ARID1B: variants seen among roughly 807,000 people sequenced by gnomAD.
ARID1B encodes AT-rich interactive domain-containing protein 1B.
In ARID1B, 30 loss-of-function variants were observed where a neutral mutation model predicts 212.3. The observed-to-expected ratio is 0.14, with a 90% CI of 0.11 to 0.19. The LOEUF (loss-of-function observed/expected upper bound fraction) is 0.19. Among genes scored for constraint, ARID1B ranks in the 10% least tolerant of loss-of-function variants. ARID1B has a pLI of 1.00. For missense variants in ARID1B, 2,891 were observed against 3,204.0 expected (o/e 0.90, Z 2.36); for synonymous variants, 1,402 against 1,301.7 (o/e 1.08, Z -1.66).
intron 4 of ARID1B, among the ~76,000 whole-genome samples, chr6:157,030,915 C>T (rs545780412): frequency 5.9e-5 from 9 of 152,300 alleles, no homozygotes; most frequent in East Asian, 1.9e-4. Context: ...GGCTACCGTG[C>T]GTGTTCTTTC....
chr6:156,944,172 C>G (rs190556496), intron 4 of ARID1B, among the ~76,000 whole-genome samples: 4 of 152,166 alleles, frequency 2.6e-5, no homozygotes, highest in East Asian at 1.9e-4. Context: ...AAAAACGGGC[C>G]CTTTGCATTT....
chr6:156,899,936 G>A (rs909278131), intron 2 of ARID1B, among the ~76,000 whole-genome samples: 7 of 152,186 alleles, frequency 4.6e-5, no homozygotes, highest in Admixed American at 6.5e-5. Flanking sequence ...TATAGTATTA[G>A]ATATCAAATC....
intron 4 of ARID1B, among the ~76,000 whole-genome samples, chr6:157,051,401 A>C (rs950358213): frequency 6.6e-6 from 1 of 152,238 alleles, no homozygotes; most frequent in Non-Finnish European, 1.5e-5. Context: ...TTTAAATGCT[A>C]ACGGAAAATG....
At chr6:157,124,540 CCTT>C (rs1316670391) in intron 6 of ARID1B, among the ~76,000 whole-genome samples, 1 of 152,170 alleles carries the variant, frequency 6.6e-6, no homozygotes, top group Non-Finnish European at 1.5e-5. Context: ...AGGCAAGTGG[CCTT>C]CTAGGCACAC....
rs753092220 is a variant in ARID1B, at chr6:157,084,860, A to G, written c.2446A>G (p.Ser816Gly). ...CTCTCCTGTTGGCTCTCCTGTAGGA[A>G]GCAACCAGTCTCGATCTGGCCCAAT... ...SPSPVGSPVG[S>G]NQSRSGPISP... Residue 816 changes from serine to glycine, a missense_variant, in exon 5 of 20, where the codon AGC becomes GGC. By Grantham distance (56) the Ser-to-Gly change is moderately conservative. Around this residue, in one of 7 missense-constraint regions of ARID1B, gnomAD observed 1,643 missense variants for 1,544.0 expected, o/e 1.06. Transcript: ENST00000636930. 2 of 1,614,160 alleles carry G rather than the reference A, an allele frequency of 1.2e-6. No individual in the cohort carries two copies. The highest frequency in any genetic ancestry group is 1.7e-6 in the Non-Finnish European group (2 of 1,180,008).
At chr6:156,795,970 T>C (rs1780346118) in intron 1 of ARID1B, among the ~76,000 whole-genome samples, 2 of 152,040 alleles carry the variant, frequency 1.3e-5, no homozygotes, top group Admixed American at 1.3e-4. Flanking sequence ...TCCTGCGCGG[T>C]GGGAAAGCTC....
chr6:157,063,021 G>A (rs1478156767), intron 4 of ARID1B, among the ~76,000 whole-genome samples: 1 of 152,046 alleles, frequency 6.6e-6, no homozygotes, highest in African/African-American at 2.4e-5. Context: ...ATATTTTAAA[G>A]AAATAAGTTA....
chr6:157,031,204 A>G (rs1334210743), intron 4 of ARID1B, among the ~76,000 whole-genome samples: 1 of 152,192 alleles, frequency 6.6e-6, no homozygotes, highest in Non-Finnish European at 1.5e-5. Flanking sequence ...CCTGCAGTTT[A>G]AATTGTCATA....
At chr6:156,862,092 G>A (rs878897670) in intron 2 of ARID1B, among the ~76,000 whole-genome samples, 1 of 152,220 alleles carries the variant, frequency 6.6e-6, no homozygotes, top group African/African-American at 2.4e-5. Flanking sequence ...TTGATTTATG[G>A]TAGGTGTCTT....
rs1794229220 is a variant in ARID1B, at chr6:157,203,283, C to G, written c.5264-583C>G. On this transcript the variant is annotated intron_variant, in intron 18 of 19. Coordinates refer to ENST00000636930, the MANE Select transcript of ARID1B (RefSeq NM_001374828.1). This position sits in a 1 kb window ranked among gnomAD's most constrained non-coding sequence, Gnocchi z 4.4. ...CCCATTCTGTGGCTCCAGCCATACT[C>G]CTGAGAAATCTGAGCCATCAAAGTG... Among the ~76,000 whole-genome samples, 1 of 152,206 alleles carries G rather than the reference C, an allele frequency of 6.6e-6. No homozygotes were observed. Among genetic ancestry groups the G allele is most frequent in the Non-Finnish European group, 1.5e-5 (1 of 68,038 alleles).
chr6:156,818,768 C>T (rs1252416569), intron 1 of ARID1B, among the ~76,000 whole-genome samples: 1 of 152,132 alleles, frequency 6.6e-6, no homozygotes, highest in Non-Finnish European at 1.5e-5. Flanking sequence ...CTGCCCGCAA[C>T]TCTGCAGGAC....
intron 4 of ARID1B, among the ~76,000 whole-genome samples, chr6:157,015,548 G>A (rs745674803): frequency 1.4e-4 from 22 of 152,250 alleles, no homozygotes; most frequent in East Asian, 1.4e-3. Flanking sequence ...AGAAAAGTGC[G>A]AAGACTGTCT....
rs576688534 is a variant in ARID1B, at chr6:157,189,911, T to C, written c.4059-127T>C. Reference sequence around the variant, plus strand: ...TTTAAATGTTGATGACTGCCAGTTTTCTTCATGTCATTTATCTTGAATGGT... The same window carrying C: ...TTTAAATGTTGATGACTGCCAGTTTCCTTCATGTCATTTATCTTGAATGGT... On this transcript the variant is annotated intron_variant, in intron 14 of 19. Transcript: ENST00000636930. The C allele has an allele frequency of 2.5e-6, 4 of 1,571,260 alleles. No individual in the cohort carries two copies. In the South Asian group the frequency reaches 4.6e-5, roughly 18 times the overall value.
intron 4 of ARID1B, among the ~76,000 whole-genome samples, chr6:157,012,833 G>A (rs1425601997): frequency 6.6e-6 from 1 of 152,204 alleles, no homozygotes; most frequent in Non-Finnish European, 1.5e-5. Context: ...AATGGTATGG[G>A]ACCTTACATG....
Position 156,777,863 on chromosome 6 carries a change from C to T in ARID1B, c.183C>T (p.Gly61=), listed in dbSNP as rs1778737677. The T allele has an allele frequency of 4.5e-6, 6 of 1,343,696 alleles. No individual in the cohort carries two copies. The East Asian group carries it at 9.4e-5, about 21-fold the overall frequency. The allele number at this position is 1,343,696 out of a possible 1,614,324, so 83.2% of individuals were successfully genotyped here. The change falls in exon 1 of 20, where the codon GGC becomes GGT. Residue 61 remains glycine (G), a synonymous_variant. Transcript: ENST00000636930. The part of the protein sequence containing the change: ...AAAPGPMLGG[G]GDGGGGLNSV... The stretch of plus-strand genomic sequence containing the variant: ...CACCGGGACCCATGCTGGGGGGCGG[C>T]GGCGACGGCGGCGGCGGCCTGAACA...
chr6:156,849,712 T>C (rs12191380), intron 2 of ARID1B, among the ~76,000 whole-genome samples: 1,596 of 152,190 alleles, frequency 0.01, 19 homozygotes, highest in Non-Finnish European at 0.017. Flanking sequence ...TGGGTGCTTT[T>C]CTGTGCTGGG....
chr6:156,919,578 C>T (rs1376744181), intron 3 of ARID1B, among the ~76,000 whole-genome samples: 1 of 152,210 alleles, frequency 6.6e-6, no homozygotes, highest in African/African-American at 2.4e-5. Context: ...TGGGCAGCTG[C>T]TTAGCCCAGT....
At chr6:156,897,252 CTTCTTCTTCTTCTTA>C (rs1378594985) in intron 2 of ARID1B, among the ~76,000 whole-genome samples, 18 of 96,830 alleles carry the variant, frequency 1.9e-4, no homozygotes, top group East Asian at 1.3e-3. Context: ...TCTTCTTCTT[CTTCTTCTTCTTCTTA>C]TTATTATTAT....
intron 12 of ARID1B, among the ~76,000 whole-genome samples, chr6:157,183,232 G>C (rs1353723199): frequency 6.6e-6 from 1 of 152,114 alleles, no homozygotes; most frequent in Non-Finnish European, 1.5e-5. Flanking sequence ...GAAGTAACCT[G>C]AAGACCCACA....
Sources: gnomAD v4.1 joint callset for allele counts (sites outside exome capture counted in the v4.1 genomes callset) on GRCh38, gnomAD v4.1.1 for gene constraint, gnomAD v4.1.1 regional missense constraint, Gnocchi (gnomAD v3.1) non-coding constraint, MANE v1.5 for transcripts, NCBI Gene and HGNC (gene_info 2026-07-23, HGNC 2026-07-21) for gene names.